Variants in BRCC3 observed in about 807,000 individuals in gnomAD.
BRCC3 encodes the protein lys-63-specific deubiquitinase BRCC36.
In BRCC3, 15 loss-of-function variants were observed where a neutral mutation model predicts 28.0. The ratio of observed to expected loss-of-function variants is 0.54; its 90% CI spans 0.36 to 0.82. BRCC3 has a LOEUF of 0.82. BRCC3 is among the 40% of genes least tolerant of loss of function. The pLI, the probability that BRCC3 is intolerant of heterozygous loss-of-function variation, is 0.01. For synonymous variants in BRCC3, 66 were observed against 80.3 expected, an observed-to-expected ratio of 0.82 and a Z score of 0.95; for missense variants, 109 against 225.9, an observed-to-expected ratio of 0.48 and a Z score of 3.32.
rs1459432649 is a variant in BRCC3 at position 155,122,395 on chromosome X, C to T, written c.*1191C>T. On this transcript the variant is annotated 3_prime_UTR_variant, in exon 11 of 11. Transcript: ENST00000330045. ...AACTGGATATTTTATACATTGCTGA[C>T]AGGAATGTAAAATGGTACAGCCACT... The T allele has an allele frequency of 8.9e-6, 1 of 111,835 alleles. No homozygotes were observed. The allele number at this position is 111,835 out of a possible 1,213,427, so 9.2% of individuals were successfully genotyped here. A position where few individuals can be genotyped will look rare whatever the true frequency, so the allele number is the denominator to read the frequency against.
rs782372745 is a variant in BRCC3, at chrX:155,099,538, T to A, written c.548+8699T>A. On this transcript the variant is annotated intron_variant, in intron 7 of 10. Coordinates refer to ENST00000330045, the MANE Select transcript of BRCC3 (RefSeq NM_001018055.3). ...CTAAGCTGCCAAGGAGACTAGGAAA[T>A]CTAGTCTTTTACTTCAAGTAGCTCT... 6.1e-6 allele frequency: 5 copies of A among 825,244 alleles called. No individual in the cohort carries two copies. In the South Asian group the frequency reaches 1.6e-4, roughly 27 times the overall value. The allele number at this position is 825,244 out of a possible 1,213,427, so 68.0% of individuals were successfully genotyped here. A position where few individuals can be genotyped will look rare whatever the true frequency, so the allele number is the denominator to read the frequency against.
intron 7 of BRCC3, among the ~76,000 whole-genome samples, chrX:155,098,716 A>T (rs1602788720): frequency 8.9e-6 from 1 of 112,655 alleles, no homozygotes; most frequent in East Asian, 2.8e-4. Context: ...GACTTAAAAC[A>T]TAGTCAATTT....
intron 7 of BRCC3, among the ~76,000 whole-genome samples, chrX:155,101,914 A>T (rs781977292): frequency 6.1e-4 from 68 of 112,263 alleles, no homozygotes; most frequent in Admixed American, 1.3e-3. Context: ...GGAATCATAG[A>T]GTATGTACTT....
At position 155,078,151 on chromosome X, in the gene BRCC3, A is replaced by G. The variant is rs782466032; in HGVS notation, c.316-465A>G. On this transcript the variant is annotated intron_variant, in intron 4 of 10. Transcript: ENST00000330045. ...TGCAGCTGAAGAAATGGGCTAAGAG[A>G]AGTTAAGTAGTTTCTCTTGGCATTT... Among the ~76,000 whole-genome samples, 4 of 112,892 alleles carry G rather than the reference A, an allele frequency of 3.5e-5. No individual in the cohort carries two copies. The East Asian group carries it at 1.1e-3, about 31-fold the overall frequency.
chrX:155,082,338 C>A (rs2074090669), intron 5 of BRCC3, among the ~76,000 whole-genome samples: 1 of 112,108 alleles, frequency 8.9e-6, no homozygotes, highest in Non-Finnish European at 1.9e-5. Context: ...AAAATTTATT[C>A]ATTCCTTCAA....
At chrX:155,083,999 C>T (rs1429261841) in intron 5 of BRCC3, among the ~76,000 whole-genome samples, 1 of 111,968 alleles carries the variant, frequency 8.9e-6, no homozygotes, top group Non-Finnish European at 1.9e-5. Flanking sequence ...AGGATTTCTA[C>T]AGCATCTCAC....
chrX:155,080,182 G>C (rs782092757), intron 5 of BRCC3, among the ~76,000 whole-genome samples: 4 of 111,604 alleles, frequency 3.6e-5, no homozygotes, highest in African/African-American at 1.3e-4. Context: ...CACTAATGAA[G>C]AAAAGTTTGA....
intron 7 of BRCC3, among the ~76,000 whole-genome samples, chrX:155,112,990 A>G (rs1174489106): frequency 9.0e-6 from 1 of 111,318 alleles, no homozygotes; most frequent in Non-Finnish European, 1.9e-5. Context: ...AAGAAGTTAC[A>G]GACACAAATA....
chrX:155,099,342 G>A (rs1557296621), intron 7 of BRCC3: 1 of 1,209,963 alleles, frequency 8.3e-7, no homozygotes, highest in East Asian at 3.0e-5. Context: ...GAGACTTCTG[G>A]AGCTCCAGCC....
intron 10 of BRCC3, among the ~76,000 whole-genome samples, chrX:155,120,827 A>G (rs1328988673): frequency 8.9e-6 from 1 of 111,848 alleles, no homozygotes; most frequent in East Asian, 2.8e-4. Flanking sequence ...TTTAGGATTG[A>G]GGATATAATA....
intron 5 of BRCC3, among the ~76,000 whole-genome samples, chrX:155,088,862 G>A (rs1307605768): frequency 9.0e-6 from 1 of 111,561 alleles, no homozygotes; most frequent in Non-Finnish European, 1.9e-5. Context: ...CTCTGTAATT[G>A]TTCCACACTT....
At chrX:155,075,882 G>C (rs988448455) in intron 3 of BRCC3, among the ~76,000 whole-genome samples, 4 of 111,679 alleles carry the variant, frequency 3.6e-5, no homozygotes, top group African/African-American at 9.8e-5. Flanking sequence ...AAATCAGTTG[G>C]GTAAGTTGTC....
At chrX:155,116,820 G>C in intron 9 of BRCC3, 66 bp downstream of exon 9, 1 of 861,673 alleles carries the variant, frequency 1.2e-6, no homozygotes, top group Non-Finnish European at 1.7e-6. Flanking sequence ...TCAGCTGACA[G>C]ATGCAAATTT....
intron 3 of BRCC3, 106 bp downstream of exon 3, chrX:155,073,537 T>A: frequency 1.1e-6 from 1 of 914,167 alleles, no homozygotes; most frequent in Admixed American, 3.1e-5. Context: ...GATGAGATAT[T>A]CTTTCTAGTA....
intron 5 of BRCC3, among the ~76,000 whole-genome samples, chrX:155,085,494 G>A (rs1557294675): frequency 8.9e-6 from 1 of 111,942 alleles, no homozygotes; most frequent in Non-Finnish European, 1.9e-5. Flanking sequence ...GGTCCAATCC[G>A]TAACCTGCTT....
rs1186835284 is a variant in BRCC3 at position 155,091,794 on chromosome X, T to TA, written c.548+968dup. On this transcript the variant is annotated intron_variant, in intron 7 of 10. Coordinates refer to ENST00000330045, the MANE Select transcript of BRCC3 (RefSeq NM_001018055.3). Reference sequence around the variant, plus strand: ...ATATAATGGAATAAAATGCAGCCGTTAAAAAAAAAAAAAGCAAGGAAGCTT... The same window carrying TA: ...ATATAATGGAATAAAATGCAGCCGTTAAAAAAAAAAAAAAGCAAGGAAGCTT... 9.9e-3 allele frequency among the ~76,000 whole-genome samples: 973 copies of TA among 98,024 alleles called. 10 individuals carry two copies. The highest frequency in any genetic ancestry group is 0.028 in the African/African-American group (757 of 26,893). 85.1% of individuals were successfully genotyped at this position (98,024 alleles called of 115,157 possible). A position where few individuals can be genotyped will look rare whatever the true frequency, so the allele number is the denominator to read the frequency against.
intron 5 of BRCC3, among the ~76,000 whole-genome samples, chrX:155,086,353 C>T (rs782277815): frequency 3.6e-5 from 4 of 111,672 alleles, no homozygotes; most frequent in Non-Finnish European, 5.7e-5. Flanking sequence ...CCCGCCTGCC[C>T]TCGCTTCCTC....
chrX:155,116,190 TAGA>T lies in BRCC3; in HGVS notation c.680+3_680+5del. On this transcript the variant is annotated splice_donor_5th_base_variant and intron_variant, in intron 8 of 10. Transcript: ENST00000330045. ...GGATGCGTATAGGAGGATCCACAGG[TAGA>T]GACCCTCTTCACTCCTCTTCTCTAC... 1 of 1,179,820 alleles carries T rather than the reference TAGA, an allele frequency of 8.5e-7. No homozygotes were observed. Among genetic ancestry groups the T allele is most frequent in the Non-Finnish European group, 1.1e-6 (1 of 878,631 alleles).
intron 7 of BRCC3, among the ~76,000 whole-genome samples, chrX:155,100,644 C>T (rs1461922499): frequency 8.9e-6 from 1 of 112,141 alleles, no homozygotes; most frequent in Non-Finnish European, 1.9e-5. Flanking sequence ...TCAGGAGGCA[C>T]ATGTCAATTT....
Sources: allele counts gnomAD v4.1 joint callset (sites outside exome capture counted in the v4.1 genomes callset), GRCh38; gene constraint gnomAD v4.1.1; transcripts MANE v1.5; gene names NCBI Gene and HGNC (gene_info 2026-07-23, HGNC 2026-07-21).